MKLN1: variants seen among roughly 807,000 people sequenced by gnomAD.
MKLN1 encodes muskelin.
MKLN1 carries 18 observed loss-of-function variants against 99.0 expected under a neutral mutation model. That is an observed-to-expected ratio of 0.18 (90% CI 0.13 to 0.27). MKLN1 has a LOEUF of 0.27. Ranked by LOEUF, MKLN1 falls within the 10% of genes least tolerant of loss-of-function variation. MKLN1 has a pLI of 1.00. For synonymous variants in MKLN1, 288 were observed against 293.2 expected, an observed-to-expected ratio of 0.98 and a Z score of 0.18; for missense variants, 621 against 875.9, an observed-to-expected ratio of 0.71 and a Z score of 3.67.
intron 3 of MKLN1, among the ~76,000 whole-genome samples, chr7:131,271,393 C>A (rs1310659157): frequency 6.8e-6 from 1 of 147,830 alleles, no homozygotes; most frequent in Non-Finnish European, 1.5e-5. Flanking sequence ...CCGAGACAGG[C>A]AGATCATGAG....
intron 1 of MKLN1, among the ~76,000 whole-genome samples, chr7:131,331,041 A>C (rs957739438): frequency 1.1e-4 from 17 of 152,148 alleles, no homozygotes; most frequent in African/African-American, 4.1e-4. Flanking sequence ...ATATTTTGTA[A>C]ACTGCTAATC....
intron 2 of MKLN1, among the ~76,000 whole-genome samples, chr7:131,156,718 C>G (rs1259022609): frequency 2.0e-5 from 3 of 152,128 alleles, no homozygotes; most frequent in Admixed American, 2.0e-4. Context: ...GTATTACATG[C>G]TTTTTTGACT....
chr7:131,208,989 T>A (rs1796859400), intron 3 of MKLN1, among the ~76,000 whole-genome samples: 1 of 152,190 alleles, frequency 6.6e-6, no homozygotes, highest in South Asian at 2.1e-4. Context: ...AAGACCTGTC[T>A]GAAGTGATGA....
chr7:131,413,121 C>G (rs557554309), intron 7 of MKLN1, among the ~76,000 whole-genome samples: 2 of 152,150 alleles, frequency 1.3e-5, no homozygotes, highest in South Asian at 2.1e-4. Context: ...CTTTCTAAAT[C>G]TATTCTTAAA....
chr7:131,246,093 C>T (rs937230160), intron 3 of MKLN1, among the ~76,000 whole-genome samples: 1 of 152,224 alleles, frequency 6.6e-6, no homozygotes, highest in Admixed American at 6.5e-5. Flanking sequence ...TCTATAACCT[C>T]CTTGGGGATG....
intron 9 of MKLN1, among the ~76,000 whole-genome samples, chr7:131,435,393 T>G (rs1795646974): frequency 6.6e-6 from 1 of 152,164 alleles, no homozygotes; most frequent in African/African-American, 2.4e-5. Flanking sequence ...ATTATTTGGT[T>G]TCAGTGTTAT....
chr7:131,395,572 C>T lies in MKLN1; in HGVS notation c.401-1695C>T, dbSNP rs543573242. The stretch of plus-strand genomic sequence containing the variant: ...GAGCACTAATAGTACTTTTTGGTGC[C>T]ATTAGTTTGGTACCAAGGTGCTAGC... On this transcript the variant is annotated intron_variant, in intron 4 of 17. Coordinates refer to ENST00000352689, the MANE Select transcript of MKLN1 (RefSeq NM_013255.5). Among the ~76,000 whole-genome samples, 34 of 150,182 alleles carry T rather than the reference C, an allele frequency of 2.3e-4. No homozygotes were observed. In the South Asian group the frequency reaches 6.9e-3, roughly 30 times the overall value.
intron 3 of MKLN1, among the ~76,000 whole-genome samples, chr7:131,212,135 C>T (rs141782627): frequency 6.6e-6 from 1 of 152,346 alleles, no homozygotes; most frequent in East Asian, 1.9e-4. Flanking sequence ...CTGCTGCTGG[C>T]TCCTACTGCA....
intron 1 of MKLN1, among the ~76,000 whole-genome samples, chr7:131,142,310 C>A (rs1277233056): frequency 6.6e-6 from 1 of 151,714 alleles, no homozygotes; most frequent in South Asian, 2.1e-4. Flanking sequence ...ACTCGGGGGG[C>A]TGAAGCAAGA....
chr7:131,116,998 T>G (rs1482423718), intron 1 of MKLN1, among the ~76,000 whole-genome samples: 1 of 152,110 alleles, frequency 6.6e-6, no homozygotes, highest in Non-Finnish European at 1.5e-5. Context: ...GCAATTCTAC[T>G]TTTATATATT....
At chr7:131,189,753 C>A (rs1271666059) in intron 2 of MKLN1, among the ~76,000 whole-genome samples, 1 of 152,100 alleles carries the variant, frequency 6.6e-6, no homozygotes, top group East Asian at 1.9e-4. Flanking sequence ...AACTATTAGA[C>A]GCCCGTTGAC....
At chr7:131,344,927 G>A (rs1052434328) in intron 1 of MKLN1, among the ~76,000 whole-genome samples, 3 of 152,064 alleles carry the variant, frequency 2.0e-5, no homozygotes, top group Middle Eastern at 3.4e-3. Flanking sequence ...TCGGCCTCCC[G>A]AGTAGCTGGG....
chr7:131,298,224 T>G (rs1798324087), intron 3 of MKLN1, among the ~76,000 whole-genome samples: 1 of 151,362 alleles, frequency 6.6e-6, no homozygotes, highest in African/African-American at 2.4e-5. Context: ...TGAGCCGAGA[T>G]GACGCCACTG....
intron 3 of MKLN1, among the ~76,000 whole-genome samples, chr7:131,264,135 G>A (rs902444759): frequency 6.6e-6 from 1 of 152,110 alleles, no homozygotes; most frequent in Non-Finnish European, 1.5e-5. Context: ...TCTGAAATTG[G>A]TAGTGAGCCA....
rs181436640 is a variant in MKLN1, at chr7:131,136,563, A to G, written c.-418-6257A>G. On this transcript the variant is annotated intron_variant, in intron 1 of 7. Coordinates refer to the MKLN1 transcript ENST00000416992. Reference sequence around the variant, plus strand: ...TCAAATGGTCAAAGCTTCAAAAGGCACTTTGGTACCGATTCCATATAGAAT... The same window carrying G: ...TCAAATGGTCAAAGCTTCAAAAGGCGCTTTGGTACCGATTCCATATAGAAT... Among the ~76,000 whole-genome samples the G allele has an allele frequency of 4.6e-5, 7 of 152,260 alleles. No individual in the cohort carries two copies. The East Asian group carries it at 9.7e-4, about 21-fold the overall frequency.
chr7:131,464,699 G>GTT (rs1221159799), intron 14 of MKLN1, among the ~76,000 whole-genome samples: 1 of 152,160 alleles, frequency 6.6e-6, no homozygotes, highest in Non-Finnish European at 1.5e-5. Flanking sequence ...TTTCTACAAT[G>GTT]TGACTATCCA....
At chr7:131,381,345 A>G (rs1411043834) in intron 2 of MKLN1, among the ~76,000 whole-genome samples, 1 of 152,208 alleles carries the variant, frequency 6.6e-6, no homozygotes, top group Non-Finnish European at 1.5e-5. Flanking sequence ...GTAACCACAT[A>G]TATGATGACA....
At chr7:131,259,360 T>G (rs1797701664) in intron 3 of MKLN1, among the ~76,000 whole-genome samples, 1 of 152,174 alleles carries the variant, frequency 6.6e-6, no homozygotes, top group African/African-American at 2.4e-5. Context: ...AATAGTATAA[T>G]GGATACCCAA....
chr7:131,462,599 C>G (rs544311016), intron 12 of MKLN1, among the ~76,000 whole-genome samples: 1 of 152,150 alleles, frequency 6.6e-6, no homozygotes, highest in African/African-American at 2.4e-5. Flanking sequence ...TGGCAATTGA[C>G]ATTTCCTTTA....
Sources: gnomAD v4.1 joint callset for allele counts (sites outside exome capture counted in the v4.1 genomes callset) on GRCh38, gnomAD v4.1.1 for gene constraint, MANE v1.5 for transcripts, NCBI Gene and HGNC (gene_info 2026-07-23, HGNC 2026-07-21) for gene names.